RAD54L2: variants seen among roughly 807,000 people sequenced by gnomAD.
The protein encoded by RAD54L2 is helicase ARIP4.
Under a neutral mutation model 138.4 loss-of-function variants are expected in RAD54L2, and 27 were observed. The observed-to-expected ratio is 0.20, with a 90% CI of 0.14 to 0.27. RAD54L2 has a LOEUF of 0.27. RAD54L2 is among the 10% of genes least tolerant of loss of function. The pLI is 1.00. For synonymous variants in RAD54L2, 644 were observed against 723.2 expected, an observed-to-expected ratio of 0.89 and a Z score of 1.76; for missense variants, 1,396 against 1,890.2, an observed-to-expected ratio of 0.74 and a Z score of 4.85.
At chr3:51,555,474 A>G (rs182299717) in intron 2 of RAD54L2, among the ~76,000 whole-genome samples, 2 of 152,230 alleles carry the variant, frequency 1.3e-5, no homozygotes, top group Admixed American at 1.3e-4. Context: ...TTAGCCAGGC[A>G]TGGTGGCACA....
At chr3:51,641,093 C>T (rs1292081530) in intron 14 of RAD54L2, among the ~76,000 whole-genome samples, 1 of 150,120 alleles carries the variant, frequency 6.7e-6, no homozygotes, top group Non-Finnish European at 1.5e-5. Flanking sequence ...TCTTCCACTT[C>T]CCAGGTTCAA....
chr3:51,639,919 A>G lies in RAD54L2; in HGVS notation c.2151A>G (p.Leu717=). 1.9e-6 allele frequency: 3 copies of G among 1,612,068 alleles called. No homozygotes were observed. The highest frequency in any genetic ancestry group is 1.7e-6 in the Non-Finnish European group (2 of 1,178,752). The change falls in exon 14 of 23, where the codon CTA becomes CTG. Residue 717 remains leucine, a synonymous_variant. Transcript: ENST00000684192. ...DLLTNYQTGV[L]ENSPKMVLLF... ...TGACTAATTACCAGACTGGAGTCCT[A>G]GAAAACTCTCCCAAGATGGTACTGC...
intron 2 of RAD54L2, among the ~76,000 whole-genome samples, chr3:51,572,072 A>G (rs1243949959): frequency 1.3e-5 from 2 of 152,160 alleles, no homozygotes; most frequent in Non-Finnish European, 2.9e-5. Context: ...TTTCTTCGGT[A>G]TTTATGTCCA....
chr3:51,607,221 G>T (rs1700205983), intron 3 of RAD54L2, among the ~76,000 whole-genome samples: 1 of 151,480 alleles, frequency 6.6e-6, no homozygotes, highest in African/African-American at 2.4e-5. Context: ...TGTGAACAAA[G>T]GTCTCTGGTT....
At chr3:51,610,597 C>T (rs1700306370) in intron 3 of RAD54L2, among the ~76,000 whole-genome samples, 1 of 150,678 alleles carries the variant, frequency 6.6e-6, no homozygotes, top group South Asian at 2.1e-4. Flanking sequence ...CAAGATTGTG[C>T]CACTGCACTC....
chr3:51,607,828 CG>C (rs1700228769), intron 3 of RAD54L2, among the ~76,000 whole-genome samples: 2 of 150,076 alleles, frequency 1.3e-5, no homozygotes, highest in South Asian at 2.1e-4. Context: ...ACCTCCCAGA[CG>C]GGGCGGCTGG....
At chr3:51,608,349 C>T (rs1452083243) in intron 3 of RAD54L2, among the ~76,000 whole-genome samples, 2 of 146,600 alleles carry the variant, frequency 1.4e-5, no homozygotes, top group Admixed American at 6.9e-5. Flanking sequence ...CAGACTGCGC[C>T]GCTGGGCAGA....
At chr3:51,598,689 G>C (rs553484900) in intron 3 of RAD54L2, among the ~76,000 whole-genome samples, 1 of 152,292 alleles carries the variant, frequency 6.6e-6, no homozygotes, top group African/African-American at 2.4e-5. Flanking sequence ...CCAGGGGGCA[G>C]AGACTGCAGT....
chr3:51,635,306 C>A (rs1700958734), intron 9 of RAD54L2, among the ~76,000 whole-genome samples: 1 of 152,162 alleles, frequency 6.6e-6, no homozygotes, highest in African/African-American at 2.4e-5. Flanking sequence ...AGGGGGTTGT[C>A]ATTTTCTCTT....
chr3:51,552,042 G>A (rs1246704578), intron 2 of RAD54L2, among the ~76,000 whole-genome samples: 2 of 152,082 alleles, frequency 1.3e-5, no homozygotes, highest in East Asian at 1.9e-4. Flanking sequence ...GAGCCACCAC[G>A]CCCAGCCTAG....
intron 19 of RAD54L2, among the ~76,000 whole-genome samples, chr3:51,654,367 A>G (rs1701539390): frequency 6.6e-6 from 1 of 152,140 alleles, no homozygotes; most frequent in Non-Finnish European, 1.5e-5. Context: ...CTGTTTGTAT[A>G]GCAAATTGAA....
At chr3:51,619,627 A>G (rs1190201610) in intron 3 of RAD54L2, among the ~76,000 whole-genome samples, 2 of 152,028 alleles carry the variant, frequency 1.3e-5, no homozygotes, top group Non-Finnish European at 2.9e-5. Context: ...TCTCAAATAC[A>G]GTGTCATGGT....
chr3:51,576,264 G>A (rs1489078565), intron 2 of RAD54L2, among the ~76,000 whole-genome samples: 3 of 152,250 alleles, frequency 2.0e-5, no homozygotes, highest in East Asian at 1.9e-4. Context: ...TTTTATTGAG[G>A]ATTTTTGCAT....
chr3:51,640,009 GA>G lies in RAD54L2; in HGVS notation c.2231+13del, dbSNP rs1437768631. The G allele has an allele frequency of 6.4e-7, 1 of 1,561,478 alleles. No homozygotes were observed. Among genetic ancestry groups the G allele is most frequent in the Admixed American group, 1.7e-5 (1 of 58,590 alleles). Reference sequence around the variant, plus strand: ...AGATCCTTGTGTTTAGGTAGGATGAGAAACTTCCATTTGAGGCTGTGTGTCT... The same window carrying G: ...AGATCCTTGTGTTTAGGTAGGATGAGAACTTCCATTTGAGGCTGTGTGTCT... On this transcript the variant is annotated intron_variant, in intron 14 of 22. Coordinates refer to ENST00000684192, the MANE Select transcript of RAD54L2 (RefSeq NM_015106.4).
At chr3:51,656,287 T>C in intron 20 of RAD54L2, 117 bp downstream of exon 20, 1 of 988,940 alleles carries the variant, frequency 1.0e-6, no homozygotes, top group South Asian at 2.2e-5. Flanking sequence ...TTTGGCACTC[T>C]TGGTAAAAAA....
At chr3:51,571,955 G>A (rs184497355) in intron 2 of RAD54L2, among the ~76,000 whole-genome samples, 40 of 152,146 alleles carry the variant, frequency 2.6e-4, no homozygotes, top group African/African-American at 8.7e-4. Context: ...CCAGAGAATA[G>A]GAGTATTAGT....
chr3:51,651,109 CA>C (rs1334208951), intron 19 of RAD54L2, among the ~76,000 whole-genome samples: 2 of 152,134 alleles, frequency 1.3e-5, no homozygotes, highest in African/African-American at 4.8e-5. Flanking sequence ...GGGATATCAC[CA>C]CTGATCCTAC....
chr3:51,582,634 G>A (rs1008711035), intron 2 of RAD54L2, among the ~76,000 whole-genome samples: 3 of 149,872 alleles, frequency 2.0e-5, no homozygotes, highest in South Asian at 2.1e-4. Context: ...AGAAGGAAAC[G>A]AACCTTTCAT....
chr3:51,650,270 A>T (rs908734508), intron 19 of RAD54L2, among the ~76,000 whole-genome samples: 1 of 152,248 alleles, frequency 6.6e-6, no homozygotes, highest in Admixed American at 6.5e-5. Context: ...ATACAGGAGC[A>T]CCCAGATTCA....
Sources: gnomAD v4.1 joint callset for allele counts (sites outside exome capture counted in the v4.1 genomes callset) on GRCh38, gnomAD v4.1.1 for gene constraint, MANE v1.5 for transcripts, NCBI Gene and HGNC (gene_info 2026-07-23, HGNC 2026-07-21) for gene names.